Variants in ANO4 observed in about 807,000 individuals in gnomAD.
ANO4 encodes anoctamin-4.
A neutral mutation model predicts 141.9 loss-of-function variants in ANO4; 69 were observed. The ratio of observed to expected loss-of-function variants is 0.49; its 90% CI spans 0.40 to 0.59. The LOEUF (loss-of-function observed/expected upper bound fraction) is 0.59. Among genes scored for constraint, ANO4 ranks in the 20% least tolerant of loss-of-function variants. The probability of loss-of-function intolerance (pLI) is 0.00; values close to 1 mark genes in which losing one functional copy is unlikely to be tolerated. For missense variants in ANO4, 894 were observed against 1,162.2 expected, an observed-to-expected ratio of 0.77 and a Z score of 3.36; for synonymous variants, 350 against 394.3, an observed-to-expected ratio of 0.89 and a Z score of 1.33.
intron 22 of ANO4, among the ~76,000 whole-genome samples, chr12:101,105,629 G>A (rs548944196): frequency 6.6e-6 from 1 of 152,228 alleles, no homozygotes; most frequent in Non-Finnish European, 1.5e-5. Context: ...GAGGAAAAAG[G>A]AGACCCAAAG....
chr12:100,864,464 T>C (rs775180067), intron 1 of ANO4, among the ~76,000 whole-genome samples: 4 of 152,172 alleles, frequency 2.6e-5, no homozygotes, highest in Non-Finnish European at 5.9e-5. Context: ...CTAAAAGTGT[T>C]CCCACTTGGT....
chr12:100,954,169 G>T (rs1043802815), intron 5 of ANO4, among the ~76,000 whole-genome samples: 1 of 152,076 alleles, frequency 6.6e-6, no homozygotes, highest in Non-Finnish European at 1.5e-5. Flanking sequence ...TTCATTCAGG[G>T]TTGTGCGGGA....
chr12:100,991,708 C>T (rs2045116440), intron 8 of ANO4, among the ~76,000 whole-genome samples: 1 of 151,976 alleles, frequency 6.6e-6, no homozygotes, highest in Admixed American at 6.6e-5. Context: ...TTACTTTCTC[C>T]AAGTCTAGAG....
chr12:100,948,897 T>G (rs2042857170), intron 5 of ANO4, among the ~76,000 whole-genome samples: 1 of 152,206 alleles, frequency 6.6e-6, no homozygotes, highest in Non-Finnish European at 1.5e-5. Context: ...TCTTATATGG[T>G]GTATAAGATC....
chr12:100,841,880 G>A (rs772310146), intron 1 of ANO4, among the ~76,000 whole-genome samples: 1 of 152,128 alleles, frequency 6.6e-6, no homozygotes, highest in Non-Finnish European at 1.5e-5. Flanking sequence ...CAATGCAGAA[G>A]TTGGATGCAT....
At chr12:101,102,195 A>G (rs753371222) in intron 22 of ANO4, among the ~76,000 whole-genome samples, 7 of 152,158 alleles carry the variant, frequency 4.6e-5, no homozygotes, top group Non-Finnish European at 7.4e-5. Context: ...ATTTTTGTAC[A>G]TGTATTTTGA....
intron 1 of ANO4, among the ~76,000 whole-genome samples, chr12:100,799,852 C>G (rs930967831): frequency 6.6e-6 from 1 of 152,134 alleles, no homozygotes; most frequent in Non-Finnish European, 1.5e-5. Flanking sequence ...GCACCTGGGC[C>G]GGATGACTTT....
At chr12:100,910,459 C>T (rs2041052659) in intron 2 of ANO4, among the ~76,000 whole-genome samples, 4 of 152,034 alleles carry the variant, frequency 2.6e-5, no homozygotes, top group Admixed American at 2.0e-4. Context: ...AATTCTTTCT[C>T]CTGTTTATCA....
rs554983260 is a variant in ANO4, at chr12:100,731,788, G to A, written c.23-1986G>A. Among the ~76,000 whole-genome samples, 309 of 152,236 alleles carry A rather than the reference G, an allele frequency of 2.0e-3. 1 individual carries two copies. The highest frequency in any genetic ancestry group is 7.1e-3 in the African/African-American group (296 of 41,558). ...ATTCATTTCTTTAACTTAGTATTAT[G>A]CATTTAAGGTTCCTCCATGTCTTTT... On this transcript the variant is annotated intron_variant, in intron 1 of 29. Transcript: ENST00000644049.
chr12:101,122,020 G>C (rs1455320699), intron 26 of ANO4, among the ~76,000 whole-genome samples: 1 of 152,224 alleles, frequency 6.6e-6, no homozygotes, highest in East Asian at 1.9e-4. Flanking sequence ...GCCTCCCAAA[G>C]TGCTGGGATT....
At chr12:101,048,242 C>T (rs188949665) in intron 13 of ANO4, 99 bp from the exon 14 acceptor site, 5 of 1,357,474 alleles carry the variant, frequency 3.7e-6, no homozygotes, top group African/African-American at 2.9e-5. Flanking sequence ...CTGTAAAACT[C>T]ATTATATAAT....
intron 2 of ANO4, among the ~76,000 whole-genome samples, chr12:100,921,747 G>A (rs1401525968): frequency 6.6e-6 from 1 of 152,088 alleles, no homozygotes; most frequent in Non-Finnish European, 1.5e-5. Flanking sequence ...AATCGGGGAG[G>A]TCTAATTATG....
chr12:101,048,570 T>C (rs1217226443), intron 14 of ANO4, among the ~76,000 whole-genome samples, 169 bp downstream of exon 14: 1 of 152,204 alleles, frequency 6.6e-6, no homozygotes, highest in Non-Finnish European at 1.5e-5. Context: ...TAAACGATAT[T>C]GTAGAAGAGA....
At chr12:100,779,164 G>A (rs2033633769) in intron 3 of ANO4, among the ~76,000 whole-genome samples, 1 of 152,212 alleles carries the variant, frequency 6.6e-6, no homozygotes, top group Admixed American at 6.5e-5. Context: ...TAGATCTGAG[G>A]TGGGGCTTAG....
intron 8 of ANO4, among the ~76,000 whole-genome samples, chr12:101,016,371 T>A (rs1170158029): frequency 6.6e-6 from 1 of 151,950 alleles, no homozygotes; most frequent in African/African-American, 2.4e-5. Context: ...CCACACTCTT[T>A]TAAACAACCA....
chr12:101,120,501 T>A lies in ANO4; in HGVS notation c.2571-19T>A, dbSNP rs1028556958. On this transcript the variant is annotated intron_variant, in intron 25 of 27. Coordinates refer to ENST00000392977, the MANE Select transcript of ANO4 (RefSeq NM_001286615.2). ...GAAAAATCATAGTTTGAATGCAACA[T>A]TTTTCTGTGTCTTTATAGATACCGG... is the stretch of plus-strand genomic sequence containing the variant. 1.2e-6 allele frequency: 2 copies of A among 1,600,432 alleles called. No homozygotes were observed. The highest frequency in any genetic ancestry group is 1.7e-6 in the Non-Finnish European group (2 of 1,168,054).
intron 3 of ANO4, among the ~76,000 whole-genome samples, chr12:100,778,256 C>A (rs567800900): frequency 3.3e-5 from 5 of 152,258 alleles, no homozygotes; most frequent in African/African-American, 7.2e-5. Context: ...ATTTTCCTTT[C>A]TCTTTGCCAT....
intron 5 of ANO4, among the ~76,000 whole-genome samples, chr12:100,947,577 CAGA>C (rs1161509104): frequency 6.6e-6 from 1 of 152,202 alleles, no homozygotes; most frequent in Non-Finnish European, 1.5e-5. Flanking sequence ...ACTCATCTCT[CAGA>C]AGGAGTGAAA....
intron 1 of ANO4, among the ~76,000 whole-genome samples, chr12:100,809,967 A>G (rs1438620332): frequency 6.6e-6 from 1 of 152,184 alleles, no homozygotes. Flanking sequence ...AATCACCTGT[A>G]TGCTAGGCTC....
Sources: allele counts gnomAD v4.1 joint callset (sites outside exome capture counted in the v4.1 genomes callset), GRCh38; gene constraint gnomAD v4.1.1; transcripts MANE v1.5; gene names NCBI Gene and HGNC (gene_info 2026-07-23, HGNC 2026-07-21).